Variants in AKT3 observed in about 807,000 individuals in gnomAD.
AKT3 encodes the protein AKT serine/threonine kinase 3, also known as RAC-gamma serine/threonine-protein kinase.
AKT3 carries 15 observed loss-of-function variants against 65.3 expected under a neutral mutation model. The observed-to-expected ratio is 0.23, with a 90% CI of 0.15 to 0.35. The LOEUF (loss-of-function observed/expected upper bound fraction) is 0.35, where lower values mean the gene tolerates loss of function less well. Among genes scored for constraint, AKT3 ranks in the 10% least tolerant of loss-of-function variants. The pLI, the probability that AKT3 is intolerant of heterozygous loss-of-function variation, is 1.00. For synonymous variants in AKT3, 206 were observed against 183.8 expected (o/e 1.12, Z -0.98); for missense variants, 243 against 576.5 (o/e 0.42, Z 5.92).
intron 2 of AKT3, among the ~76,000 whole-genome samples, chr1:243,707,476 A>G (rs955482075): frequency 4.6e-5 from 7 of 152,170 alleles, no homozygotes; most frequent in Non-Finnish European, 1.0e-4. Flanking sequence ...TTAATTCAAT[A>G]ACAACTAACT....
intron 8 of AKT3, among the ~76,000 whole-genome samples, chr1:243,608,521 G>T (rs934794537): frequency 1.3e-5 from 2 of 151,990 alleles, no homozygotes; most frequent in Non-Finnish European, 2.9e-5. Flanking sequence ...TGCCATTTTG[G>T]TATTATGAAC....
intron 2 of AKT3, among the ~76,000 whole-genome samples, chr1:243,703,760 CAAAAAAA>C (rs370671685): frequency 1.4e-4 from 11 of 78,406 alleles, no homozygotes; most frequent in African/African-American, 2.2e-4. Context: ...GACTCCATCT[CAAAAAAA>C]AAAAAAAAAA....
At chr1:243,789,944 G>C (rs1691510902) in intron 2 of AKT3, among the ~76,000 whole-genome samples, 1 of 152,144 alleles carries the variant, frequency 6.6e-6, no homozygotes, top group Non-Finnish European at 1.5e-5. Flanking sequence ...CTGAGCAGTA[G>C]GTCTCCACAG....
intron 2 of AKT3, among the ~76,000 whole-genome samples, chr1:243,721,307 G>C (rs897205409): frequency 2.0e-5 from 3 of 152,108 alleles, no homozygotes; most frequent in African/African-American, 7.2e-5. Flanking sequence ...CATTACAAGA[G>C]AGAGGCCAAG....
intron 8 of AKT3, among the ~76,000 whole-genome samples, chr1:243,584,562 T>A (rs935452880): frequency 5.9e-5 from 9 of 152,098 alleles, no homozygotes; most frequent in African/African-American, 2.2e-4. Flanking sequence ...CAAACTGAAT[T>A]GAAAAACACA....
At chr1:243,624,928 G>T in intron 6 of AKT3, 1 of 238,514 alleles carries the variant, frequency 4.2e-6, no homozygotes, top group South Asian at 7.2e-5. Flanking sequence ...TCTTCTTCTT[G>T]ACTGATAATC....
intron 2 of AKT3, among the ~76,000 whole-genome samples, chr1:243,769,517 T>C (rs773546536): frequency 8.9e-4 from 135 of 152,340 alleles, no homozygotes; most frequent in Non-Finnish European, 1.6e-3. Flanking sequence ...TCTCACATGA[T>C]TTTAATTTGC....
chr1:243,797,892 T>C (rs1330805381), intron 2 of AKT3, among the ~76,000 whole-genome samples: 3 of 147,914 alleles, frequency 2.0e-5, no homozygotes, highest in African/African-American at 4.9e-5. Flanking sequence ...TTTTTCTTTT[T>C]TTTTTTTTGA....
chr1:243,632,649 T>A (rs965324266), intron 6 of AKT3, among the ~76,000 whole-genome samples: 1 of 152,170 alleles, frequency 6.6e-6, no homozygotes. Context: ...GGCAATGACT[T>A]CTCCTTTCTA....
intron 2 of AKT3, among the ~76,000 whole-genome samples, chr1:243,749,764 A>C (rs918533616): frequency 2.6e-5 from 4 of 152,200 alleles, no homozygotes; most frequent in African/African-American, 7.2e-5. Context: ...ATCAAAAAAT[A>C]ACTCAGAAGA....
upstream of AKT3, among the ~76,000 whole-genome samples, chr1:243,850,607 G>C (rs1438727264): frequency 6.6e-6 from 1 of 150,516 alleles, no homozygotes; most frequent in Non-Finnish European, 1.5e-5. Flanking sequence ...CCGTCGCCGC[G>C]GGGCTTGTTG....
intron 6 of AKT3, among the ~76,000 whole-genome samples, chr1:243,627,821 G>A (rs546763694): frequency 6.6e-5 from 10 of 152,306 alleles, no homozygotes; most frequent in South Asian, 4.1e-4. Context: ...TGAGTTTTGC[G>A]AAGAAAAATT....
chr1:243,849,817 C>T (rs1005022660), intron 1 of AKT3, among the ~76,000 whole-genome samples: 1 of 151,790 alleles, frequency 6.6e-6, no homozygotes. Context: ...CGGTGTCAAC[C>T]GCGCTGGGCA....
Position 243,675,014 on chromosome 1 carries a change from T to A in AKT3, c.173-10131A>T, listed in dbSNP as rs528420641. Among the ~76,000 whole-genome samples, 3 of 152,152 alleles carry A rather than the reference T, an allele frequency of 2.0e-5. No homozygotes were observed. In the South Asian group the frequency reaches 6.2e-4, roughly 32 times the overall value. On this transcript the variant is annotated intron_variant, in intron 3 of 13. Coordinates refer to ENST00000673466, the MANE Select transcript of AKT3 (RefSeq NM_005465.7). ...GAGTCCGCAGTGTCTATTATTTCCA[T>A]CTTTATGTCCATATGTACCAATTGC...
chr1:243,789,355 T>C (rs1278246446), intron 2 of AKT3, among the ~76,000 whole-genome samples: 1 of 152,214 alleles, frequency 6.6e-6, no homozygotes, highest in Non-Finnish European at 1.5e-5. Flanking sequence ...CACTGTATTC[T>C]GCTCCAGCCT....
At chr1:243,510,226 G>A (rs528449040) in intron 13 of AKT3, among the ~76,000 whole-genome samples, 11 of 152,106 alleles carry the variant, frequency 7.2e-5, no homozygotes, top group South Asian at 2.1e-4. Context: ...GTGTCCTCCC[G>A]GCTCTGAAGT....
intron 4 of AKT3, among the ~76,000 whole-genome samples, chr1:243,659,266 T>C (rs575707575): frequency 6.6e-6 from 1 of 152,028 alleles, no homozygotes; most frequent in South Asian, 2.1e-4. Flanking sequence ...GGGCTGGGGG[T>C]ATGGGAATGG....
intron 8 of AKT3, among the ~76,000 whole-genome samples, chr1:243,611,243 G>A (rs972327825): frequency 2.4e-4 from 36 of 152,030 alleles, no homozygotes; most frequent in Non-Finnish European, 3.8e-4. Context: ...AAAAGCTTAC[G>A]AAAAACTGTT....
Position 243,504,348 on chromosome 1 carries a change from C to G in AKT3, c.*901G>C, listed in dbSNP as rs1301222379. 9.9e-6 allele frequency: 2 copies of G among 201,576 alleles called. No individual in the cohort carries two copies. Among genetic ancestry groups the G allele is most frequent in the African/African-American group, 2.3e-5 (1 of 43,442 alleles). 12.5% of individuals were successfully genotyped at this position (201,576 alleles called of 1,614,324 possible). A position where few individuals can be genotyped will look rare whatever the true frequency, so the allele number is the denominator to read the frequency against. On this transcript the variant is annotated 3_prime_UTR_variant, in exon 14 of 14. Transcript: ENST00000673466. ...TTAAATAAGGCAAACACCTGTTTAC[C>G]TTGGTGTAGAAATTTTGGTGAAAAG...
Sources: allele counts gnomAD v4.1 joint callset (sites outside exome capture counted in the v4.1 genomes callset), GRCh38; gene constraint gnomAD v4.1.1; transcripts MANE v1.5; gene names NCBI Gene and HGNC (gene_info 2026-07-23, HGNC 2026-07-21).